The following IGSF11 variants were observed in gnomAD, a reference collection of about 807,000 sequenced individuals.
IGSF11 encodes immunoglobulin superfamily member 11.
In IGSF11, 22 loss-of-function variants were observed where a neutral mutation model predicts 41.0. The ratio of observed to expected loss-of-function variants is 0.54; its 90% CI spans 0.38 to 0.77. The LOEUF (loss-of-function observed/expected upper bound fraction) is 0.77, where lower values mean the gene tolerates loss of function less well. Among genes scored for constraint, IGSF11 ranks in the 30% least tolerant of loss-of-function variants. IGSF11 has a pLI of 0.00. For missense variants in IGSF11, 444 were observed against 530.8 expected (o/e 0.84, Z 1.61); for synonymous variants, 219 against 201.3 (o/e 1.09, Z -0.74).
At chr3:119,072,820 G>A (rs1036420388) in intron 1 of IGSF11, among the ~76,000 whole-genome samples, 4 of 152,258 alleles carry the variant, frequency 2.6e-5, no homozygotes, top group East Asian at 3.9e-4. Flanking sequence ...AAGGGGACCC[G>A]AGCAGGTTGC....
At chr3:119,071,482 T>C (rs185789046) in intron 1 of IGSF11, among the ~76,000 whole-genome samples, 1 of 152,320 alleles carries the variant, frequency 6.6e-6, no homozygotes, top group East Asian at 1.9e-4. Context: ...TTTTGATCAA[T>C]TTTGAGCTAA....
intron 1 of IGSF11, among the ~76,000 whole-genome samples, chr3:119,134,709 C>CTACTT (rs1312062621): frequency 2.0e-5 from 3 of 151,042 alleles, no homozygotes; most frequent in Non-Finnish European, 4.5e-5. Flanking sequence ...TTGGAAAAAA[C>CTACTT]TAAAGTTCAT....
intron 1 of IGSF11, among the ~76,000 whole-genome samples, chr3:118,991,544 AAAATT>A (rs1935793261): frequency 1.3e-5 from 2 of 152,388 alleles, no homozygotes; most frequent in South Asian, 2.1e-4. Context: ...ACAAGTATAC[AAAATT>A]AAATATTAAA....
chr3:118,951,616 C>A (rs1263359274), intron 1 of IGSF11, among the ~76,000 whole-genome samples: 1 of 152,016 alleles, frequency 6.6e-6, no homozygotes, highest in Non-Finnish European at 1.5e-5. Flanking sequence ...GTGTTAGGAA[C>A]CATTCTAAGT....
At chr3:119,067,705 C>A (rs1418631099) in intron 1 of IGSF11, among the ~76,000 whole-genome samples, 2 of 152,108 alleles carry the variant, frequency 1.3e-5, no homozygotes, top group African/African-American at 4.8e-5. Flanking sequence ...TGAATGACTA[C>A]TAAAAACTTT....
chr3:118,905,843 G>A, intron 4 of IGSF11, 125 bp from the exon 5 acceptor site: 2 of 1,017,286 alleles, frequency 2.0e-6, no homozygotes, highest in Non-Finnish European at 1.4e-6. Context: ...TTTTTGTGGG[G>A]GTAGGGTGAG....
At chr3:118,950,558 G>A (rs72968612) in intron 1 of IGSF11, among the ~76,000 whole-genome samples, 3,539 of 151,734 alleles carry the variant, frequency 0.023, 140 homozygotes, top group African/African-American at 0.082. Flanking sequence ...ATACACACAC[G>A]CAAACATATA....
intron 1 of IGSF11, among the ~76,000 whole-genome samples, chr3:119,088,914 T>G (rs1246897668): frequency 6.6e-6 from 1 of 152,098 alleles, no homozygotes; most frequent in Non-Finnish European, 1.5e-5. Context: ...AAACCATGAA[T>G]AGACCAATAA....
chr3:118,902,913 A>G lies in IGSF11; in HGVS notation c.903T>C (p.Thr301=). ...PKCSSAKAFH[T]EISSSDNNTL... ...TGTTGTTGTCCGAGGAGGAAATCTC[A>G]GTGTGAAATGCTTTGGCAGAAGAAC... Residue 301 remains threonine (T), a synonymous_variant, in exon 7 of 7, where the codon ACT becomes ACC. Transcript: ENST00000393775. 1 of 1,613,324 alleles carries G rather than the reference A, an allele frequency of 6.2e-7. No individual in the cohort carries two copies. Among genetic ancestry groups the G allele is most frequent in the South Asian group, 1.1e-5 (1 of 91,066 alleles).
intron 1 of IGSF11, among the ~76,000 whole-genome samples, chr3:118,952,086 C>G (rs953461063): frequency 3.3e-5 from 5 of 152,122 alleles, no homozygotes; most frequent in Non-Finnish European, 4.4e-5. Context: ...TTACACTATA[C>G]TGTAGTCTAT....
intron 1 of IGSF11, among the ~76,000 whole-genome samples, chr3:119,111,456 A>G (rs147155039): frequency 1.2e-3 from 184 of 152,088 alleles, no homozygotes; most frequent in African/African-American, 4.3e-3. Context: ...TCCTTTAAGC[A>G]CTTCTCTGTA....
intron 4 of IGSF11, among the ~76,000 whole-genome samples, chr3:118,916,370 T>G (rs1309141888): frequency 2.0e-5 from 3 of 152,086 alleles, no homozygotes; most frequent in African/African-American, 7.2e-5. Context: ...CCATCTCACG[T>G]GCAGAGATAC....
chr3:118,986,241 A>T (rs1004884747), intron 1 of IGSF11, among the ~76,000 whole-genome samples: 1 of 151,984 alleles, frequency 6.6e-6, no homozygotes, highest in East Asian at 1.9e-4. Context: ...CCTCTACCTT[A>T]CGTGCAGAGG....
chr3:118,913,001 TAAAAGAAGGAAAG>T (rs907613519), intron 4 of IGSF11, among the ~76,000 whole-genome samples: 49 of 151,494 alleles, frequency 3.2e-4, no homozygotes, highest in African/African-American at 1.1e-3. Context: ...CTCCATCTCT[TAAAAGAAGGAAAG>T]AAAAGAAGAA....
chr3:119,024,207 C>G (rs1290101940), intron 1 of IGSF11, among the ~76,000 whole-genome samples: 1 of 152,044 alleles, frequency 6.6e-6, no homozygotes, highest in Non-Finnish European at 1.5e-5. Flanking sequence ...AATCAACAAG[C>G]AACTAAAACT....
In IGSF11 at chr3:119,034,588, G is replaced by A; in HGVS notation, c.-6C>T. The A allele has an allele frequency of 1.3e-6, 2 of 1,588,506 alleles. No homozygotes were observed. Among genetic ancestry groups the A allele is most frequent in the East Asian group, 2.3e-5 (1 of 42,602 alleles). On this transcript the variant is annotated 5_prime_UTR_variant, in exon 1 of 7. Transcript: ENST00000393775. ...GGGGAACGCTGAGAAGTCATCCCGG[G>A]GCCGCAGGGAGCGCGCCTGCCTCCT...
At chr3:119,095,638 T>A (rs1428256145) in intron 1 of IGSF11, among the ~76,000 whole-genome samples, 1 of 152,138 alleles carries the variant, frequency 6.6e-6, no homozygotes, top group Non-Finnish European at 1.5e-5. Flanking sequence ...AGCCAAAGCT[T>A]CATGTTCATG....
chr3:119,113,680 C>T (rs970620677), intron 1 of IGSF11, among the ~76,000 whole-genome samples: 4 of 152,160 alleles, frequency 2.6e-5, no homozygotes, highest in Admixed American at 2.0e-4. Context: ...GATGGATCTA[C>T]CATTCTGGGG....
chr3:118,956,570 A>G (rs538455663), intron 1 of IGSF11, among the ~76,000 whole-genome samples: 1 of 152,278 alleles, frequency 6.6e-6, no homozygotes, highest in South Asian at 2.1e-4. Flanking sequence ...AAGACAGGCA[A>G]ACAGCTGATC....
Sources: allele counts gnomAD v4.1 joint callset (sites outside exome capture counted in the v4.1 genomes callset), GRCh38; gene constraint gnomAD v4.1.1; transcripts MANE v1.5; gene names NCBI Gene and HGNC (gene_info 2026-07-23, HGNC 2026-07-21).